GABPB1: variants seen among roughly 807,000 people sequenced by gnomAD.
GABPB1 encodes GA-binding protein subunit beta-1.
In GABPB1, 15 loss-of-function variants were observed where a neutral mutation model predicts 45.9. The ratio of observed to expected loss-of-function variants is 0.33; its 90% confidence interval spans 0.22 to 0.50. The LOEUF (loss-of-function observed/expected upper bound fraction) is 0.50, where lower values mean the gene tolerates loss of function less well. Ranked by LOEUF, GABPB1 falls within the 20% of genes least tolerant of loss-of-function variation. GABPB1 has a pLI of 0.98. For missense variants in GABPB1, 252 were observed against 457.5 expected (o/e 0.55, Z 4.10); for synonymous variants, 143 against 154.4 (o/e 0.93, Z 0.55).
intron 8 of GABPB1, among the ~76,000 whole-genome samples, chr15:50,281,401 C>CG (rs1169158864): frequency 2.0e-5 from 3 of 151,902 alleles, no homozygotes; most frequent in Non-Finnish European, 4.4e-5. Context: ...TTAGTAGAGA[C>CG]GGGGTTTCAC....
At chr15:50,303,847 C>T (rs1342961409) in intron 3 of GABPB1, 119 bp downstream of exon 3, 2 of 742,260 alleles carry the variant, frequency 2.7e-6, no homozygotes, top group African/African-American at 1.8e-5. Flanking sequence ...CTTATACACA[C>T]AAAAAATGAA....
intron 8 of GABPB1, among the ~76,000 whole-genome samples, chr15:50,283,218 G>A (rs2046045978): frequency 6.6e-6 from 1 of 151,966 alleles, no homozygotes; most frequent in Admixed American, 6.6e-5. Flanking sequence ...TTTCAATTCA[G>A]AATAGTCTAA....
intron 6 of GABPB1, among the ~76,000 whole-genome samples, chr15:50,296,181 C>A (rs978415534): frequency 1.3e-5 from 2 of 152,180 alleles, no homozygotes; most frequent in African/African-American, 4.8e-5. Context: ...TCTGCTGCTA[C>A]ATTCTGGCTG....
At chr15:50,296,194 T>C (rs745470177) in intron 6 of GABPB1, among the ~76,000 whole-genome samples, 1 of 152,168 alleles carries the variant, frequency 6.6e-6, no homozygotes, top group Non-Finnish European at 1.5e-5. Flanking sequence ...TCTGGCTGTT[T>C]TGTAACCAGG....
chr15:50,338,579 T>C (rs2048229210), intron 1 of GABPB1, among the ~76,000 whole-genome samples: 1 of 152,018 alleles, frequency 6.6e-6, no homozygotes, highest in Admixed American at 6.6e-5. Flanking sequence ...GCTCAAGAGA[T>C]CCTCCCACCT....
In GABPB1 at chr15:50,311,379, A is replaced by G. The variant is rs528479106; in HGVS notation, c.1-1581T>C. Among the ~76,000 whole-genome samples the G allele has an allele frequency of 1.8e-3, 273 of 152,296 alleles. 2 individuals carry two copies. The highest frequency in any genetic ancestry group is 0.014 in the Middle Eastern group (4 of 294). ...GTGCCTGGGGTATAAATTTATCTCA[A>G]AAAAAGTATATACTCTGAGGGTTAG... On this transcript the variant is annotated intron_variant, in intron 1 of 8. Coordinates refer to ENST00000380877, the MANE Select transcript of GABPB1 (RefSeq NM_016654.5).
Position 50,286,191 on chromosome 15 carries a change from G to GAA in GABPB1, c.884-10_884-9dup. The GAA allele has an allele frequency of 2.0e-6, 3 of 1,472,378 alleles. No individual in the cohort carries two copies. The highest frequency in any genetic ancestry group is 2.7e-6 in the Non-Finnish European group (3 of 1,099,120). The allele number at this position is 1,472,378 out of a possible 1,614,324, so 91.2% of individuals were successfully genotyped here. On this transcript the variant is annotated splice_polypyrimidine_tract_variant and intron_variant, in intron 7 of 8. Transcript: ENST00000380877. ...TTGCTGGTACTGTTAATACTAAAAT[G>GAA]AAAAAAAAATTATGTATTACTTCAT...
At chr15:50,349,215 G>C (rs958970529) in intron 1 of GABPB1, 3 of 152,010 alleles carry the variant, frequency 2.0e-5, no homozygotes, top group Non-Finnish European at 4.4e-5. Context: ...CTTTTGAAGG[G>C]GGATATTGCA....
At chr15:50,294,576 C>T (rs958542854) in intron 6 of GABPB1, among the ~76,000 whole-genome samples, 4 of 151,884 alleles carry the variant, frequency 2.6e-5, no homozygotes, top group Middle Eastern at 3.2e-3. Context: ...ATAAACTTTT[C>T]GAAGGTATTA....
chr15:50,323,459 A>T (rs1210441025), intron 1 of GABPB1, among the ~76,000 whole-genome samples: 1 of 152,198 alleles, frequency 6.6e-6, no homozygotes, highest in Non-Finnish European at 1.5e-5. Context: ...CAGAGGCAAG[A>T]AGTGGCTGAG....
rs1400364451 is a variant in GABPB1 at position 50,355,038 on chromosome 15, C to T, written c.-54G>A. 6.4e-6 allele frequency: 1 copy of T among 155,322 alleles called. No homozygotes were observed. The highest frequency in any genetic ancestry group is 1.4e-5 in the Non-Finnish European group (1 of 69,866). 9.6% of individuals were successfully genotyped at this position (155,322 alleles called of 1,614,324 possible). A position where few individuals can be genotyped will look rare whatever the true frequency, so the allele number is the denominator to read the frequency against. ...AAGGCAGCAGGAGGTGGTGCGGGGACCCGAGGCGCCTCGTACCCGGCCGGG... is the reference window on the plus strand; with the variant it reads ...AAGGCAGCAGGAGGTGGTGCGGGGATCCGAGGCGCCTCGTACCCGGCCGGG... On this transcript the variant is annotated 5_prime_UTR_variant, in exon 1 of 9. Coordinates refer to ENST00000380877, the MANE Select transcript of GABPB1 (RefSeq NM_016654.5).
In GABPB1 at chr15:50,355,062, G is replaced by C; in HGVS notation, c.-78C>G. 6.4e-6 allele frequency: 1 copy of C among 155,408 alleles called. No homozygotes were observed. Among genetic ancestry groups the C allele is most frequent in the Non-Finnish European group, 1.4e-5 (1 of 69,840 alleles). 9.6% of individuals were successfully genotyped at this position (155,408 alleles called of 1,614,324 possible). ...ACCCGAGGCGCCTCGTACCCGGCCG[G>C]GCTGACGCGGCCCCGCTACACACAA... On this transcript the variant is annotated 5_prime_UTR_variant, in exon 1 of 9. Transcript: ENST00000380877.
chr15:50,279,386 T>C (rs1009407547), intron 8 of GABPB1, among the ~76,000 whole-genome samples: 1 of 152,246 alleles, frequency 6.6e-6, no homozygotes, highest in Non-Finnish European at 1.5e-5. Flanking sequence ...GCAAGCAAGA[T>C]AATTCACCTT....
chr15:50,329,905 ACTTT>A (rs1365782067), intron 1 of GABPB1, among the ~76,000 whole-genome samples: 2 of 126,300 alleles, frequency 1.6e-5, no homozygotes, highest in Non-Finnish European at 3.7e-5. Flanking sequence ...TTCCACTCTT[ACTTT>A]TTTTTTTTTT....
intron 1 of GABPB1, among the ~76,000 whole-genome samples, chr15:50,329,483 A>G (rs190000001): frequency 1.2e-3 from 179 of 152,326 alleles, no homozygotes; most frequent in African/African-American, 4.2e-3. Flanking sequence ...TAAAATACCA[A>G]TATTACAACT....
chr15:50,332,810 C>T (rs28654949), intron 1 of GABPB1, among the ~76,000 whole-genome samples: 2 of 151,930 alleles, frequency 1.3e-5, no homozygotes, highest in African/African-American at 4.8e-5. Context: ...TAGACTCTAC[C>T]TATCCTACTT....
intron 1 of GABPB1, among the ~76,000 whole-genome samples, chr15:50,326,906 C>A (rs1289776073): frequency 6.6e-6 from 1 of 152,052 alleles, no homozygotes; most frequent in Non-Finnish European, 1.5e-5. Context: ...AATACGCTTT[C>A]CTTCTAAAAA....
intron 1 of GABPB1, among the ~76,000 whole-genome samples, chr15:50,310,874 G>C (rs1187742466): frequency 6.6e-6 from 1 of 151,758 alleles, no homozygotes; most frequent in Non-Finnish European, 1.5e-5. Context: ...CTACTCAGGA[G>C]GCTGAGGCAC....
chr15:50,282,570 A>AAAAAAAAAAAAAAAAAAAAAAG (rs2046019146), intron 8 of GABPB1, among the ~76,000 whole-genome samples: 1 of 150,910 alleles, frequency 6.6e-6, no homozygotes, highest in Non-Finnish European at 1.5e-5. Flanking sequence ...GAAAAAAAAA[A>AAAAAAAAAAAAAAAAAAAAAAG]AAAAACAGAG....
Sources: gnomAD v4.1 joint callset for allele counts (sites outside exome capture counted in the v4.1 genomes callset) on GRCh38, gnomAD v4.1.1 for gene constraint, MANE v1.5 for transcripts, NCBI Gene and HGNC (gene_info 2026-07-23, HGNC 2026-07-21) for gene names.